PCBP3: variants seen among roughly 807,000 people sequenced by gnomAD.
PCBP3 encodes poly(rC)-binding protein 3.
Under a neutral mutation model 52.7 loss-of-function variants are expected in PCBP3, and 25 were observed. The ratio of observed to expected loss-of-function variants is 0.47; its 90% CI spans 0.35 to 0.66. The LOEUF (loss-of-function observed/expected upper bound fraction) is 0.66. Among genes scored for constraint, PCBP3 ranks in the 30% least tolerant of loss-of-function variants. PCBP3 has a pLI of 0.01. For synonymous variants in PCBP3, 162 were observed against 183.0 expected (o/e 0.89, Z 0.93); for missense variants, 391 against 490.3 (o/e 0.80, Z 1.91).
At chr21:45,845,636 G>A (rs909898746) in intron 4 of PCBP3, among the ~76,000 whole-genome samples, 13 of 151,822 alleles carry the variant, frequency 8.6e-5, no homozygotes, top group African/African-American at 1.9e-4. Flanking sequence ...TTAAGCACCC[G>A]TGTGCACATG....
intron 4 of PCBP3, among the ~76,000 whole-genome samples, chr21:45,766,190 C>A (rs991072320): frequency 9.2e-5 from 14 of 152,236 alleles, no homozygotes; most frequent in Admixed American, 2.0e-4. Context: ...TGCAGACTGG[C>A]CGCTGGAGTG....
intron 5 of PCBP3, among the ~76,000 whole-genome samples, chr21:45,876,704 G>T (rs928800295): frequency 6.6e-6 from 1 of 152,220 alleles, no homozygotes; most frequent in African/African-American, 2.4e-5. Context: ...TCCTGGCCTC[G>T]TGCAGCCTGA....
intron 1 of PCBP3, among the ~76,000 whole-genome samples, chr21:45,668,377 A>G (rs931988670): frequency 1.3e-5 from 2 of 152,208 alleles, no homozygotes; most frequent in Admixed American, 6.6e-5. Context: ...CTCTAAGGAA[A>G]ATACTTTTCA....
rs552492549 is a variant in PCBP3, at chr21:45,682,016, C to T, written c.-200+13064C>T. Among the ~76,000 whole-genome samples, 33 of 152,164 alleles carry T rather than the reference C, an allele frequency of 2.2e-4. No individual in the cohort carries two copies. In the South Asian group the frequency reaches 6.0e-3, roughly 28 times the overall value. On this transcript the variant is annotated intron_variant, in intron 2 of 17. Coordinates refer to ENST00000681687, the MANE Select transcript of PCBP3 (RefSeq NM_001384156.1). Reference sequence around the variant, plus strand: ...AAAATTGCTAAGAATCATGTCATCACATTTCAAGAAGAAGAGGAGAAGAAG... The same window carrying T: ...AAAATTGCTAAGAATCATGTCATCATATTTCAAGAAGAAGAGGAGAAGAAG...
intron 4 of PCBP3, among the ~76,000 whole-genome samples, chr21:45,758,668 T>C (rs1482028536): frequency 6.6e-6 from 1 of 152,224 alleles, no homozygotes; most frequent in Non-Finnish European, 1.5e-5. Context: ...TCTTGCAATC[T>C]TACTAAACTT....
At chr21:45,921,652 C>T (rs2074453323) in intron 13 of PCBP3, among the ~76,000 whole-genome samples, 1 of 151,944 alleles carries the variant, frequency 6.6e-6, no homozygotes, top group Admixed American at 6.6e-5. Context: ...CCCGTCTCTA[C>T]CAAAAATACA....
intron 5 of PCBP3, among the ~76,000 whole-genome samples, chr21:45,889,963 A>G (rs2095612435): frequency 1.3e-5 from 2 of 152,390 alleles, no homozygotes; most frequent in East Asian, 3.9e-4. Flanking sequence ...TGGAGCTGAC[A>G]GTGGCTCCAG....
chr21:45,866,149 C>A (rs954595925), intron 5 of PCBP3, among the ~76,000 whole-genome samples: 8 of 152,246 alleles, frequency 5.3e-5, no homozygotes, highest in Admixed American at 1.3e-4. Context: ...CACCTGAGAA[C>A]CTTCTGGACC....
chr21:45,901,599 C>T (rs1275722143), intron 9 of PCBP3: 4 of 184,268 alleles, frequency 2.2e-5, no homozygotes, highest in Admixed American at 1.6e-4. Context: ...GAGATACGGA[C>T]GGTAAAGGTA....
chr21:45,810,760 CTA>C (rs2092664982), intron 4 of PCBP3, among the ~76,000 whole-genome samples: 1 of 152,134 alleles, frequency 6.6e-6, no homozygotes, highest in Admixed American at 6.5e-5. Flanking sequence ...TGTTATGTCT[CTA>C]TGTGTTTGAC....
intron 2 of PCBP3, among the ~76,000 whole-genome samples, chr21:45,728,141 T>C (rs2085194081): frequency 6.6e-6 from 1 of 152,166 alleles, no homozygotes. Context: ...AAGGAAGTGC[T>C]TGGAGGGTAC....
At chr21:45,787,554 G>C (rs897807573) in intron 4 of PCBP3, among the ~76,000 whole-genome samples, 2 of 152,152 alleles carry the variant, frequency 1.3e-5, no homozygotes, top group African/African-American at 2.4e-5. Flanking sequence ...GCTGTGCCTG[G>C]CCTCATCCGA....
chr21:45,745,338 AC>A (rs2086748751), intron 3 of PCBP3, among the ~76,000 whole-genome samples: 1 of 152,158 alleles, frequency 6.6e-6, no homozygotes, highest in South Asian at 2.1e-4. Flanking sequence ...AGCTTCCCAG[AC>A]CCACCAGCTT....
rs945681067 is a variant in PCBP3, at chr21:45,917,889, G to A, written c.717+260G>A. The A allele has an allele frequency of 1.6e-5, 8 of 509,676 alleles. No homozygotes were observed. Among genetic ancestry groups the A allele is most frequent in the East Asian group, 3.9e-5 (1 of 25,912 alleles). 31.6% of individuals were successfully genotyped at this position (509,676 alleles called of 1,614,324 possible). On this transcript the variant is annotated intron_variant, in intron 13 of 17. Transcript: ENST00000681687. The surrounding 1 kb of genome is among the most constrained non-coding windows in gnomAD (Gnocchi z 5.3). The stretch of plus-strand genomic sequence containing the variant: ...AGTCCTGGGTTTTCCTCCCTCCCAC[G>A]GGGCCTGGGAGGGAACTGAGACGGG...
intron 2 of PCBP3, among the ~76,000 whole-genome samples, chr21:45,696,088 A>G (rs946015650): frequency 6.6e-4 from 99 of 150,732 alleles, no homozygotes; most frequent in Non-Finnish European, 2.2e-4. Context: ...TCAAAAAAAA[A>G]AAAAAAAAAA....
At chr21:45,785,258 C>T (rs1206141985) in intron 4 of PCBP3, among the ~76,000 whole-genome samples, 9 of 149,556 alleles carry the variant, frequency 6.0e-5, no homozygotes, top group Admixed American at 2.6e-4. Flanking sequence ...GGAGCATCTC[C>T]GCCCGGCAGC....
At chr21:45,646,111 G>GTGTGTT (rs1289779097) in intron 1 of PCBP3, among the ~76,000 whole-genome samples, 1 of 98,336 alleles carries the variant, frequency 1.0e-5, no homozygotes, top group Non-Finnish European at 2.2e-5. Flanking sequence ...CTCTCTCTGT[G>GTGTGTT]TGTGTGTGTG....
chr21:45,810,560 C>A (rs777881893), intron 4 of PCBP3, among the ~76,000 whole-genome samples: 1 of 152,008 alleles, frequency 6.6e-6, no homozygotes, highest in Non-Finnish European at 1.5e-5. Context: ...CATCTGTGCC[C>A]GGCCAATTTT....
intron 13 of PCBP3, chr21:45,918,066 T>G: frequency 3.8e-6 from 1 of 262,676 alleles, no homozygotes; most frequent in African/African-American, 2.2e-5. Flanking sequence ...TGAAATTAAC[T>G]CCCCCTTTCA....
Sources: allele counts gnomAD v4.1 joint callset (sites outside exome capture counted in the v4.1 genomes callset), GRCh38; gene constraint gnomAD v4.1.1; non-coding constraint Gnocchi (gnomAD v3.1); transcripts MANE v1.5; gene names NCBI Gene and HGNC (gene_info 2026-07-23, HGNC 2026-07-21).